Variants in CACNA1E observed in about 807,000 individuals in gnomAD.
The protein encoded by CACNA1E is voltage-dependent R-type calcium channel subunit alpha-1E.
A neutral mutation model predicts 259.2 loss-of-function variants in CACNA1E; 40 were observed. The ratio of observed to expected loss-of-function variants is 0.15; its 90% CI spans 0.12 to 0.20. CACNA1E has a LOEUF of 0.20. CACNA1E is among the 10% of genes least tolerant of loss of function. CACNA1E has a pLI of 1.00. For missense variants in CACNA1E, 1,874 were observed against 3,040.1 expected, an observed-to-expected ratio of 0.62 and a Z score of 9.02; for synonymous variants, 1,104 against 1,138.5, an observed-to-expected ratio of 0.97 and a Z score of 0.61.
At chr1:181,648,267 A>T (rs1341637121) in intron 6 of CACNA1E, among the ~76,000 whole-genome samples, 4 of 152,246 alleles carry the variant, frequency 2.6e-5, no homozygotes, top group African/African-American at 9.6e-5. Flanking sequence ...TAGGTGCCAG[A>T]TACAGAAATG....
rs112474407 is a variant in CACNA1E, at chr1:181,592,420, G to T, written c.951+11644G>T. Among the ~76,000 whole-genome samples, 244 of 147,996 alleles carry T rather than the reference G, an allele frequency of 1.6e-3. 2 individuals are homozygous for T. Among genetic ancestry groups the T allele is most frequent in the African/African-American group, 6.0e-3 (239 of 40,030 alleles). ...CTGCTCTCAGAGTGAGCTGCTGTCC[G>T]CAGGGACTATGGCTGCTGCAGCCTC... is the stretch of plus-strand genomic sequence containing the variant. On this transcript the variant is annotated intron_variant, in intron 6 of 47. Coordinates refer to ENST00000367573, the MANE Select transcript of CACNA1E (RefSeq NM_001205293.3).
At chr1:181,328,581 A>G (rs141316423) in intron 1 of CACNA1E, among the ~76,000 whole-genome samples, 1 of 152,290 alleles carries the variant, frequency 6.6e-6, no homozygotes, top group Non-Finnish European at 1.5e-5. Context: ...ATGTGAACAA[A>G]TTGGGATTTG....
intron 1 of CACNA1E, among the ~76,000 whole-genome samples, chr1:181,370,151 G>C (rs746318619): frequency 4.0e-5 from 6 of 151,798 alleles, no homozygotes; most frequent in Non-Finnish European, 8.8e-5. Flanking sequence ...AAAATACAAT[G>C]AACCCTGAAA....
intron 2 of CACNA1E, among the ~76,000 whole-genome samples, chr1:181,459,865 A>G (rs958003265): frequency 2.6e-5 from 4 of 152,214 alleles, no homozygotes; most frequent in African/African-American, 7.2e-5. Context: ...AGTGATGAAC[A>G]TTTGATCAGT....
At chr1:181,626,531 T>A (rs1187487939) in intron 6 of CACNA1E, among the ~76,000 whole-genome samples, 1 of 152,230 alleles carries the variant, frequency 6.6e-6, no homozygotes, top group Non-Finnish European at 1.5e-5. Flanking sequence ...GACTCTCAGA[T>A]GACAACTAGA....
At chr1:181,715,984 A>C (rs925889513) in intron 9 of CACNA1E, 56 bp from the exon 10 acceptor site, 1 of 1,284,754 alleles carries the variant, frequency 7.8e-7, no homozygotes, top group African/African-American at 1.5e-5. Flanking sequence ...AATTTTGTCC[A>C]GAATGGTCTG....
At chr1:181,462,351 G>A (rs1467385607) in intron 2 of CACNA1E, among the ~76,000 whole-genome samples, 3 of 152,168 alleles carry the variant, frequency 2.0e-5, no homozygotes, top group African/African-American at 4.8e-5. Context: ...TTCAGGAAAG[G>A]TTGTGCTAAT....
chr1:181,392,798 G>A (rs1656391751), intron 1 of CACNA1E, among the ~76,000 whole-genome samples: 1 of 152,190 alleles, frequency 6.6e-6, no homozygotes, highest in South Asian at 2.1e-4. Flanking sequence ...CTAATTAACA[G>A]GAAGCTGGAA....
chr1:181,749,846 G>C (rs1050989880), intron 25 of CACNA1E, among the ~76,000 whole-genome samples: 2 of 152,152 alleles, frequency 1.3e-5, no homozygotes, highest in African/African-American at 4.8e-5. Context: ...GGCAAACTTT[G>C]GTGTGACATC....
intron 7 of CACNA1E, 129 bp from the exon 8 acceptor site, chr1:181,710,825 T>G (rs911743958): frequency 1.5e-6 from 1 of 659,932 alleles, no homozygotes; most frequent in African/African-American, 1.8e-5. Context: ...GCAGCCTGGG[T>G]CAGGGGAAAG....
intron 36 of CACNA1E, 53 bp from the exon 37 acceptor site, chr1:181,772,013 A>G (rs2102770359): frequency 1.9e-6 from 3 of 1,544,448 alleles, no homozygotes; most frequent in African/African-American, 1.4e-5. Flanking sequence ...GACCAAGAAT[A>G]TGATAGGATC....
At chr1:181,780,600 C>G (rs1660339518) in intron 38 of CACNA1E, among the ~76,000 whole-genome samples, 1 of 152,210 alleles carries the variant, frequency 6.6e-6, no homozygotes, top group South Asian at 2.1e-4. Context: ...GGACAGCTGC[C>G]TCTGCTGAGA....
chr1:181,366,007 G>C (rs750800193), intron 1 of CACNA1E, among the ~76,000 whole-genome samples: 9 of 152,200 alleles, frequency 5.9e-5, no homozygotes, highest in East Asian at 1.9e-4. Context: ...AGGCCTGCCA[G>C]AGCCTGTGAA....
At chr1:181,421,347 A>G (rs1440797364) in intron 2 of CACNA1E, among the ~76,000 whole-genome samples, 1 of 152,170 alleles carries the variant, frequency 6.6e-6, no homozygotes, top group Non-Finnish European at 1.5e-5. Flanking sequence ...CATTTATTAG[A>G]TCATATAGTC....
Position 181,793,721 on chromosome 1 carries a change from T to G in CACNA1E, c.5955T>G (p.Leu1985=), listed in dbSNP as rs1375234216. The change falls in exon 45 of 48, where the codon CTT becomes CTG. Residue 1985 remains leucine, a synonymous_variant. Transcript: ENST00000367573. ...SVQPSNHGIY[L]PSDTQEHAGS... is the part of the protein sequence containing the mutation. ...AGCCCTCTAACCATGGCATCTACCT[T>G]CCTTCGGACACCCAGGAGCATGCGG... 1 of 1,611,576 alleles carries G rather than the reference T, an allele frequency of 6.2e-7. No homozygotes were observed.
chr1:181,433,621 A>G (rs1247930335), intron 2 of CACNA1E, among the ~76,000 whole-genome samples: 1 of 152,198 alleles, frequency 6.6e-6, no homozygotes, highest in Admixed American at 6.5e-5. Context: ...AACCACTGCT[A>G]ATGTTTTGAT....
At chr1:181,403,138 C>T (rs1220128856) in intron 1 of CACNA1E, among the ~76,000 whole-genome samples, 2 of 152,004 alleles carry the variant, frequency 1.3e-5, no homozygotes, top group African/African-American at 4.8e-5. Flanking sequence ...ATCCTAACCT[C>T]GGGAAAATTA....
At chr1:181,605,651 C>T (rs893142508) in intron 6 of CACNA1E, among the ~76,000 whole-genome samples, 1 of 152,186 alleles carries the variant, frequency 6.6e-6, no homozygotes, top group Non-Finnish European at 1.5e-5. Flanking sequence ...CTGACACCCC[C>T]CAGCAGCCCT....
chr1:181,756,886 G>C, intron 29 of CACNA1E, 39 bp from the exon 30 acceptor site: 1 of 1,351,312 alleles, frequency 7.4e-7, no homozygotes, highest in Non-Finnish European at 1.1e-6. Flanking sequence ...AGCCAAGACT[G>C]TCATCCACCA....
Sources: gnomAD v4.1 joint callset for allele counts (sites outside exome capture counted in the v4.1 genomes callset) on GRCh38, gnomAD v4.1.1 for gene constraint, MANE v1.5 for transcripts, NCBI Gene and HGNC (gene_info 2026-07-23, HGNC 2026-07-21) for gene names.